The following WDPCP variants were observed in gnomAD, a reference collection of about 807,000 sequenced individuals.
WDPCP encodes WD repeat-containing and planar cell polarity effector protein fritz homolog.
In WDPCP, 71 loss-of-function variants were observed where a neutral mutation model predicts 93.1. The ratio of observed to expected loss-of-function variants is 0.76; its 90% CI spans 0.63 to 0.93. WDPCP has a LOEUF of 0.93. Ranked by LOEUF, WDPCP falls within the 40% of genes least tolerant of loss-of-function variation. WDPCP has a pLI of 0.00. For synonymous variants in WDPCP, 315 were observed against 315.0 expected, an observed-to-expected ratio of 1.00 and a Z score of 0.00; for missense variants, 844 against 887.4, an observed-to-expected ratio of 0.95 and a Z score of 0.62.
At chr2:63,125,105 A>G (rs564041093) in intron 17 of WDPCP, among the ~76,000 whole-genome samples, 1 of 152,302 alleles carries the variant, frequency 6.6e-6, no homozygotes, top group African/African-American at 2.4e-5. Flanking sequence ...CATATTTGGT[A>G]TCATATATAG....
intron 15 of WDPCP, among the ~76,000 whole-genome samples, chr2:63,158,570 A>G (rs1225260456): frequency 6.6e-6 from 1 of 152,060 alleles, no homozygotes; most frequent in East Asian, 1.9e-4. Context: ...AAACATATTT[A>G]CTAAGTTTTC....
intron 17 of WDPCP, among the ~76,000 whole-genome samples, chr2:63,139,692 G>A (rs541575924): frequency 1.3e-5 from 2 of 152,066 alleles, no homozygotes; most frequent in South Asian, 4.1e-4. Flanking sequence ...ATTTGAGTTT[G>A]TTGTAGATTC....
At chr2:63,597,600 T>C in intron 3 of WDPCP, 2 of 1,334,578 alleles carry the variant, frequency 1.5e-6, no homozygotes, top group Non-Finnish European at 1.9e-6. Flanking sequence ...TTTTATGGGA[T>C]TTTTCATTAT....
intron 12 of WDPCP, among the ~76,000 whole-genome samples, chr2:63,372,352 G>T (rs548687199): frequency 1.3e-5 from 2 of 152,094 alleles, no homozygotes; most frequent in Non-Finnish European, 2.9e-5. Flanking sequence ...TGAGATTTAG[G>T]CAGGGGCAAA....
At chr2:63,434,304 A>G (rs1333034075) in intron 8 of WDPCP, among the ~76,000 whole-genome samples, 1 of 152,336 alleles carries the variant, frequency 6.6e-6, no homozygotes, top group African/African-American at 2.4e-5. Context: ...GCTGACCAAG[A>G]GAGTCTCACT....
chr2:63,293,900 A>G (rs746418964), intron 13 of WDPCP, among the ~76,000 whole-genome samples: 2 of 152,198 alleles, frequency 1.3e-5, no homozygotes, highest in Admixed American at 6.5e-5. Flanking sequence ...CATATGCAGC[A>G]TGGGAGCTCC....
At chr2:63,796,931 A>G (rs1449036440) in intron 2 of WDPCP, among the ~76,000 whole-genome samples, 3 of 152,120 alleles carry the variant, frequency 2.0e-5, no homozygotes, top group African/African-American at 4.8e-5. Flanking sequence ...CAGCTCCAGG[A>G]AAGATTCTTT....
At chr2:63,164,003 TAGC>T (rs1451346843) in intron 15 of WDPCP, among the ~76,000 whole-genome samples, 1 of 152,204 alleles carries the variant, frequency 6.6e-6, no homozygotes, top group Non-Finnish European at 1.5e-5. Flanking sequence ...TTCATTATAA[TAGC>T]AGGAAACCAA....
chr2:63,724,118 G>A (rs1575758661), intron 2 of WDPCP, among the ~76,000 whole-genome samples: 1 of 152,314 alleles, frequency 6.6e-6, no homozygotes, highest in East Asian at 1.9e-4. Flanking sequence ...GCAGAATGCT[G>A]AGTAATAAAG....
intron 2 of WDPCP, among the ~76,000 whole-genome samples, chr2:63,674,717 CA>C (rs5831668): frequency 0.71 from 102,243 of 144,654 alleles, 35,295 homozygotes; most frequent in East Asian, 0.97. Context: ...CTTGACGCTA[CA>C]AAAAAAAAAA....
chr2:63,145,838 A>G lies in WDPCP; in HGVS notation c.2190+7076T>C, dbSNP rs1301035374. Among the ~76,000 whole-genome samples, 4 of 152,296 alleles carry G rather than the reference A, an allele frequency of 2.6e-5. No homozygotes were observed. In the East Asian group the frequency reaches 7.7e-4, roughly 29 times the overall value. ...ACAATATTGATTCTTCCTGTTCATG[A>G]GCATGGAATGTTTTTCCATTTGTTT... On this transcript the variant is annotated intron_variant, in intron 17 of 17. Coordinates refer to ENST00000272321, the MANE Select transcript of WDPCP (RefSeq NM_015910.7).
chr2:63,577,706 T>C (rs889518163), intron 1 of WDPCP, among the ~76,000 whole-genome samples: 4 of 152,144 alleles, frequency 2.6e-5, no homozygotes, highest in Non-Finnish European at 4.4e-5. Flanking sequence ...TAAACAAATA[T>C]ACTTGATATG....
chr2:63,170,187 C>G (rs1162803958), intron 15 of WDPCP, among the ~76,000 whole-genome samples: 1 of 151,776 alleles, frequency 6.6e-6, no homozygotes, highest in Non-Finnish European at 1.5e-5. Flanking sequence ...AGCCACCACA[C>G]CTGGACAATT....
intron 17 of WDPCP, among the ~76,000 whole-genome samples, chr2:63,143,727 G>C (rs1160762384): frequency 6.6e-6 from 1 of 152,116 alleles, no homozygotes; most frequent in East Asian, 1.9e-4. Context: ...CTAAATTCTT[G>C]GCTGATAATT....
chr2:63,599,111 CAT>C, intron 3 of WDPCP: 1 of 1,535,002 alleles, frequency 6.5e-7, no homozygotes, highest in Non-Finnish European at 8.8e-7. Flanking sequence ...CAAATTTTAA[CAT>C]AGATTAGTTA....
At chr2:63,680,645 T>G (rs539948717) in intron 2 of WDPCP, among the ~76,000 whole-genome samples, 1 of 152,268 alleles carries the variant, frequency 6.6e-6, no homozygotes, top group Non-Finnish European at 1.5e-5. Flanking sequence ...CAATTCCTAG[T>G]GCTGTTCTGG....
At chr2:63,839,847 G>A in the WDPCP span, among the ~76,000 whole-genome samples, 1 of 152,206 alleles carries the variant, frequency 6.6e-6, no homozygotes, top group African/African-American at 2.4e-5. Context: ...TTACGGCCGA[G>A]AGGTTTTTGA....
chr2:63,155,763 A>G (rs959526350), intron 15 of WDPCP, among the ~76,000 whole-genome samples: 5 of 152,222 alleles, frequency 3.3e-5, no homozygotes, highest in Non-Finnish European at 7.3e-5. Context: ...AAAAGTCCTA[A>G]GATCATGTAT....
At position 63,182,034 on chromosome 2, in the gene WDPCP, G is replaced by A. The variant is rs934806957; in HGVS notation, c.1916-7202C>T. ...CAATTTCATATTCTGAAACTTTACT[G>A]AACTTATGAAATCTGGGAGTCTTTG... is the stretch of plus-strand genomic sequence containing the variant. On this transcript the variant is annotated intron_variant, in intron 14 of 17. Transcript: ENST00000272321. Among the ~76,000 whole-genome samples, 6 of 151,842 alleles carry A rather than the reference G, an allele frequency of 4.0e-5. No individual in the cohort carries two copies. In the East Asian group the frequency reaches 9.6e-4, roughly 24 times the overall value.
Sources: allele counts gnomAD v4.1 joint callset (sites outside exome capture counted in the v4.1 genomes callset), GRCh38; gene constraint gnomAD v4.1.1; transcripts MANE v1.5; gene names NCBI Gene and HGNC (gene_info 2026-07-23, HGNC 2026-07-21).